Variants in PFAS observed in about 807,000 individuals in gnomAD.
PFAS encodes phosphoribosylformylglycinamidine synthase.
PFAS carries 97 observed loss-of-function variants against 140.6 expected under a neutral mutation model. The ratio of observed to expected loss-of-function variants is 0.69; its 90% CI spans 0.59 to 0.82. The LOEUF (loss-of-function observed/expected upper bound fraction) is 0.82. Among genes scored for constraint, PFAS ranks in the 40% least tolerant of loss-of-function variants. The pLI is 0.00. For synonymous variants in PFAS, 679 were observed against 718.8 expected (o/e 0.94, Z 0.88); for missense variants, 1,656 against 1,780.2 (o/e 0.93, Z 1.26).
Position 8,255,651 on chromosome 17 carries a change from T to G in PFAS, c.534T>G (p.Gly178=). ...TCAATGGCCCTATCAATATACTGGG[T>G]GAGGGCCGGCTTGCGCTGGAGAAGG... ...EPLNGPINIL[G]EGRLALEKAN... Residue 178 remains glycine, a synonymous_variant, in exon 5 of 28, where the codon GGT becomes GGG. Coordinates refer to ENST00000314666, the MANE Select transcript of PFAS (RefSeq NM_012393.3). 1.3e-6 allele frequency: 2 copies of G among 1,582,160 alleles called. No individual in the cohort carries two copies. The highest frequency in any genetic ancestry group is 4.5e-5 in the East Asian group (2 of 44,702).
chr17:8,257,001 G>C, intron 9 of PFAS, 38 bp downstream of exon 9: 1 of 1,611,946 alleles, frequency 6.2e-7, no homozygotes, highest in Non-Finnish European at 8.5e-7. Context: ...TTCCCTTCCA[G>C]ATTCCTTGTC....
chr17:8,253,971 T>A lies in PFAS; in HGVS notation c.34T>A (p.Ser12Thr). 6.2e-7 allele frequency: 1 copy of A among 1,614,068 alleles called. No individual in the cohort carries two copies. Among genetic ancestry groups the A allele is most frequent in the Non-Finnish European group, 8.5e-7 (1 of 1,179,984 alleles). Residue 12 changes from serine to threonine, a missense_variant, in exon 2 of 28, where the codon TCT becomes ACT. Physicochemically the swap from Ser to Thr is moderately conservative, Grantham distance 58. Transcript: ENST00000314666. ...AGTCCTTCACTTCTATGTTCGTCCCTCTGGCCATGAGGGGGCAGCCCCTGG... is the reference window on the plus strand; with the variant it reads ...AGTCCTTCACTTCTATGTTCGTCCCACTGGCCATGAGGGGGCAGCCCCTGG... ...SPVLHFYVRP[S>T]GHEGAAPGHT...
chr17:8,256,039 A>G, intron 6 of PFAS, 129 bp downstream of exon 6: 1 of 819,658 alleles, frequency 1.2e-6, no homozygotes, highest in South Asian at 1.7e-5. Flanking sequence ...GGCTCCCGTC[A>G]TCCATCAAGG....
At chr17:8,249,539 C>T (rs1989052987) in intron 1 of PFAS, 200 bp downstream of exon 1, 1 of 152,258 alleles carries the variant, frequency 6.6e-6, no homozygotes, top group African/African-American at 2.4e-5. Flanking sequence ...TGGCCGACCC[C>T]CATGTAAATT....
chr17:8,263,623 C>T lies in PFAS; in HGVS notation c.1616C>T (p.Thr539Ile). Residue 539 changes from threonine to isoleucine, a missense_variant, in exon 14 of 28, where the codon ACC (threonine) becomes ATC (isoleucine). Physicochemically the swap from Thr to Ile is moderately conservative, Grantham distance 89. This residue lies in a region of PFAS where 773 missense variants were observed against 757.3 expected (regional missense o/e 1.02). Transcript: ENST00000314666. ...LSDPAGAIIY[T>I]SRFQLGDPTL... Reference sequence around the variant, plus strand: ...GACCCAGCTGGAGCCATCATTTACACCAGCCGCTTCCAGGTGGGTCTCGTC... The same window carrying T: ...GACCCAGCTGGAGCCATCATTTACATCAGCCGCTTCCAGGTGGGTCTCGTC... The T allele has an allele frequency of 1.2e-6, 2 of 1,613,970 alleles. No homozygotes were observed. The highest frequency in any genetic ancestry group is 1.1e-5 in the South Asian group (1 of 91,076).
chr17:8,257,355 A>G (rs1310959563), intron 9 of PFAS, among the ~76,000 whole-genome samples: 5 of 151,684 alleles, frequency 3.3e-5, no homozygotes, highest in East Asian at 1.9e-4. Context: ...AGGAGATCAA[A>G]ACCATCCTGG....
In PFAS at chr17:8,269,287, G is replaced by A. The variant is rs1351864422; in HGVS notation, c.*23G>A. On this transcript the variant is annotated 3_prime_UTR_variant, in exon 28 of 28. Transcript: ENST00000314666. The stretch of plus-strand genomic sequence containing the variant: ...TGACTGGCCACAGGGGCTCACCTGG[G>A]CCCCATGGCTTTTCACCTAAGTGGG... 1 of 1,564,746 alleles carries A rather than the reference G, an allele frequency of 6.4e-7. No homozygotes were observed. Among genetic ancestry groups the A allele is most frequent in the Non-Finnish European group, 8.7e-7 (1 of 1,151,510 alleles).
intron 13 of PFAS, 106 bp downstream of exon 13, chr17:8,263,371 C>A: frequency 8.0e-7 from 1 of 1,246,628 alleles, no homozygotes; most frequent in South Asian, 1.3e-5. Context: ...AGCTCTGGGT[C>A]CCATTCTCCA....
At chr17:8,257,234 G>C (rs1989404758) in intron 9 of PFAS, among the ~76,000 whole-genome samples, 1 of 152,190 alleles carries the variant, frequency 6.6e-6, no homozygotes, top group African/African-American at 2.4e-5. Flanking sequence ...CTTATGATCA[G>C]TACCTGCCCC....
rs1035365933 is a variant in PFAS, at chr17:8,269,575, C to CT, written c.*313dup. 1.3e-4 allele frequency: 40 copies of CT among 315,622 alleles called. 1 individual carries two copies. In the Admixed American group the frequency reaches 1.8e-3, roughly 14 times the overall value. The allele number at this position is 315,622 out of a possible 1,614,324, so 19.6% of individuals were successfully genotyped here. The stretch of plus-strand genomic sequence containing the variant: ...TCCGAACAGGGGCTTCTGTTGCCCA[C>CT]TTCACAACACCCAGTGATCACCGGT... On this transcript the variant is annotated 3_prime_UTR_variant, in exon 28 of 28. Coordinates refer to ENST00000314666, the MANE Select transcript of PFAS (RefSeq NM_012393.3).
intron 3 of PFAS, 122 bp from the exon 4 acceptor site, chr17:8,254,905 T>C (rs924368246): frequency 1.5e-6 from 1 of 689,574 alleles, no homozygotes; most frequent in Non-Finnish European, 2.6e-6. Context: ...AGCCTGAGGC[T>C]GAAAGCCAAT....
In PFAS at chr17:8,256,239, C is replaced by A. The variant is rs759941027; in HGVS notation, c.681-28C>A. The A allele has an allele frequency of 3.1e-6, 5 of 1,609,342 alleles. No homozygotes were observed. The East Asian group carries it at 1.1e-4, about 36-fold the overall frequency. ...AAGAAATGACCCCGTTTCCACCTGC[C>A]TTCCCCTCCCTGCATCGCCCCCTGC... is the stretch of plus-strand genomic sequence containing the variant. On this transcript the variant is annotated intron_variant, in intron 6 of 27. Transcript: ENST00000314666.
intron 3 of PFAS, 53 bp from the exon 4 acceptor site, chr17:8,254,974 A>G (rs1296937791): frequency 7.7e-7 from 1 of 1,301,018 alleles, no homozygotes; most frequent in Non-Finnish European, 1.1e-6. Context: ...CCACCCTCCC[A>G]GCTGAGGCCT....
Position 8,263,808 on chromosome 17 carries a change from T to G in PFAS, c.1663T>G (p.Trp555Gly). 8.7e-6 allele frequency: 14 copies of G among 1,614,086 alleles called. No homozygotes were observed. The highest frequency in any genetic ancestry group is 1.2e-5 in the Non-Finnish European group (14 of 1,179,980). Residue 555 changes from tryptophan to glycine, a missense_variant, in exon 15 of 28, where the codon TGG (tryptophan) becomes GGG (glycine). Trp to Gly is a radical substitution (Grantham distance 184). This residue lies in a region of PFAS where 773 missense variants were observed against 757.3 expected (regional missense o/e 1.02). Coordinates refer to ENST00000314666, the MANE Select transcript of PFAS (RefSeq NM_012393.3). Reference sequence around the variant, plus strand: ...CCCAACCCTGAATGCCCTGGAAATCTGGGGGGCTGAGTACCAGGAATCAAA... The same window carrying G: ...CCCAACCCTGAATGCCCTGGAAATCGGGGGGGCTGAGTACCAGGAATCAAA... Reference protein sequence around the residue: ...GDPTLNALEIWGAEYQESNAL... With the variant: ...GDPTLNALEIGGAEYQESNAL...
intron 1 of PFAS, among the ~76,000 whole-genome samples, chr17:8,251,759 C>T (rs559405466): frequency 2.0e-5 from 3 of 146,890 alleles, no homozygotes; most frequent in African/African-American, 7.5e-5. Context: ...GCAACCTCTG[C>T]TTCCCAGGTT....
At position 8,266,837 on chromosome 17, in the gene PFAS, G is replaced by T; in HGVS notation, c.2906G>T (p.Arg969Leu). ...CTGGCCCAGGTGCTGAAGCGTTACC[G>T]GGATGCTGGCCTCCATTGCCTGGAG... ...PDLAQVLKRY[R>L]DAGLHCLELG... Residue 969 changes from arginine (R) to leucine (L), a missense_variant, in exon 23 of 28, where the codon CGG becomes CTG. Transcript: ENST00000314666. The surrounding 1 kb of genome is among the most constrained non-coding windows in gnomAD (Gnocchi z 5.0). 1 of 1,610,834 alleles carries T rather than the reference G, an allele frequency of 6.2e-7. No individual in the cohort carries two copies. Among genetic ancestry groups the T allele is most frequent in the South Asian group, 1.1e-5 (1 of 91,042 alleles).
At chr17:8,262,782 C>T (rs1173745732) in intron 11 of PFAS, 138 bp from the exon 12 acceptor site, 47 of 690,118 alleles carry the variant, frequency 6.8e-5, no homozygotes, top group South Asian at 1.9e-4. Flanking sequence ...GACAACAGAG[C>T]GAGACTCCAT....
At position 8,256,859 on chromosome 17, in the gene PFAS, C is replaced by G. The variant is rs892485755; in HGVS notation, c.971C>G (p.Thr324Ser). The change falls in exon 9 of 28, where the codon ACC (threonine) becomes AGC (serine). Residue 324 changes from threonine (T) to serine (S), a missense_variant. Around this residue, in one of 2 missense-constraint regions of PFAS, gnomAD observed 773 missense variants for 757.3 expected, o/e 1.02. Coordinates refer to ENST00000314666, the MANE Select transcript of PFAS (RefSeq NM_012393.3). ...PTGVCPFSGA[T>S]TGTGGRIRDV... ...GGAGTATGCCCCTTTAGTGGTGCAA[C>G]CACTGGCACAGGGGGCCGGATTCGA... 1.9e-6 allele frequency: 3 copies of G among 1,610,824 alleles called. No homozygotes were observed. The highest frequency in any genetic ancestry group is 2.5e-6 in the Non-Finnish European group (3 of 1,178,390).
rs1244836482 is a variant in PFAS, at chr17:8,256,773, G to C, written c.947-62G>C. 2.6e-6 allele frequency: 4 copies of C among 1,554,818 alleles called. No individual in the cohort carries two copies. In the East Asian group the frequency reaches 9.0e-5, roughly 35 times the overall value. ...TTGGTTGTCCTTATTTTCAGTGGGG[G>C]TGGTCAGAGATGGGGGTTTGTCTCT... On this transcript the variant is annotated intron_variant, in intron 8 of 27. Transcript: ENST00000314666.
Sources: gnomAD v4.1 joint callset for allele counts (sites outside exome capture counted in the v4.1 genomes callset) on GRCh38, gnomAD v4.1.1 for gene constraint, gnomAD v4.1.1 regional missense constraint, Gnocchi (gnomAD v3.1) non-coding constraint, MANE v1.5 for transcripts, NCBI Gene and HGNC (gene_info 2026-07-23, HGNC 2026-07-21) for gene names.